Variants in MAML2 observed in about 807,000 individuals in gnomAD.
MAML2 encodes mastermind-like protein 2.
A neutral mutation model predicts 96.1 loss-of-function variants in MAML2; 22 were observed. The ratio of observed to expected loss-of-function variants is 0.23; its 90% confidence interval spans 0.16 to 0.33. The LOEUF (loss-of-function observed/expected upper bound fraction) is 0.33. Among genes scored for constraint, MAML2 ranks in the 10% least tolerant of loss-of-function variants. The pLI, the probability that MAML2 is intolerant of heterozygous loss-of-function variation, is 1.00. For missense variants in MAML2, 1,367 were observed against 1,392.4 expected, an observed-to-expected ratio of 0.98 and a Z score of 0.29; for synonymous variants, 561 against 521.3, an observed-to-expected ratio of 1.08 and a Z score of -1.04.
intron 1 of MAML2, among the ~76,000 whole-genome samples, chr11:96,164,558 C>T (rs777134119): frequency 3.9e-5 from 6 of 152,166 alleles, no homozygotes; most frequent in Non-Finnish European, 7.4e-5. Flanking sequence ...GAAGAACATG[C>T]TCTTGATCTT....
intron 1 of MAML2, among the ~76,000 whole-genome samples, chr11:96,106,980 C>CTTTTTTTTTTTTTTTTTTT (rs71040129): frequency 1.8e-4 from 16 of 90,296 alleles, no homozygotes; most frequent in East Asian, 7.7e-4. Flanking sequence ...GAAAAGAGTC[C>CTTTTTTTTTTTTTTTTTTT]TTTTTTTTTT....
chr11:96,295,640 T>C (rs1863284778), intron 1 of MAML2, among the ~76,000 whole-genome samples: 1 of 151,872 alleles, frequency 6.6e-6, no homozygotes, highest in South Asian at 2.1e-4. Flanking sequence ...AGTATTAAAC[T>C]ACATTGTGGT....
intron 2 of MAML2, among the ~76,000 whole-genome samples, chr11:96,041,055 C>G (rs1272405248): frequency 6.6e-6 from 1 of 152,070 alleles, no homozygotes; most frequent in Non-Finnish European, 1.5e-5. Context: ...ATTTATTTAC[C>G]CTTCCAGTTG....
In MAML2 at chr11:96,343,167, G is replaced by C. The variant is rs1240321858; in HGVS notation, c.-1272C>G. The C allele has an allele frequency of 2.7e-6, 1 of 364,576 alleles. No homozygotes were observed. Among genetic ancestry groups the C allele is most frequent in the African/African-American group, 2.1e-5 (1 of 46,908 alleles). The allele number at this position is 364,576 out of a possible 1,614,324, so 22.6% of individuals were successfully genotyped here. A position where few individuals can be genotyped will look rare whatever the true frequency, so the allele number is the denominator to read the frequency against. On this transcript the variant is annotated 5_prime_UTR_variant, in exon 1 of 5. In the 5' UTR this introduces an upstream ATG that the reference lacks. Transcript: ENST00000524717. ...GATACACAGGCTTTCATTGTGCTCC[G>C]ATAGGAGAGGGAGAGAAAGAGAGAG...
chr11:96,016,836 T>C (rs1293827638), intron 2 of MAML2, among the ~76,000 whole-genome samples: 2 of 152,194 alleles, frequency 1.3e-5, no homozygotes, highest in African/African-American at 4.8e-5. Flanking sequence ...TGAGACTTTT[T>C]TGAATTTAGG....
intron 2 of MAML2, among the ~76,000 whole-genome samples, chr11:96,083,061 A>G (rs1394668783): frequency 6.6e-6 from 1 of 152,226 alleles, no homozygotes; most frequent in Non-Finnish European, 1.5e-5. Context: ...CTGAAGTTCA[A>G]TGTTGGCCTC....
intron 1 of MAML2, among the ~76,000 whole-genome samples, chr11:96,110,882 G>T (rs2135832075): frequency 6.6e-6 from 1 of 152,298 alleles, no homozygotes; most frequent in African/African-American, 2.4e-5. Context: ...AAAGCATCAG[G>T]ATTGGGTCTA....
intron 1 of MAML2, among the ~76,000 whole-genome samples, chr11:96,208,926 C>T (rs904904385): frequency 2.6e-5 from 4 of 152,100 alleles, no homozygotes; most frequent in South Asian, 2.1e-4. Context: ...ATGTAACTTA[C>T]CAGTTTGTTA....
intron 1 of MAML2, among the ~76,000 whole-genome samples, chr11:96,246,945 T>C (rs545208): frequency 0.79 from 119,780 of 152,046 alleles, 47,792 homozygotes; most frequent in African/African-American, 0.91. Flanking sequence ...TAATTCATAC[T>C]CCAGTTGCCT....
rs1437489051 is a variant in MAML2, at chr11:96,341,830, G to A, written c.66C>T (p.Leu22=). ...TCGGGGTGACTGAGCCCCCTCCAAGGAGCCCCGCCCCAGAGGCCCCCCCTA... is the reference window on the plus strand; with the variant it reads ...TCGGGGTGACTGAGCCCCCTCCAAGAAGCCCCGCCCCAGAGGCCCCCCCTA... The part of the protein sequence containing the change: ...GGLGGASGAG[L]LGGGSVTPRV... Residue 22 remains leucine (L), a synonymous_variant, in exon 1 of 5, where the codon CTC becomes CTT. Coordinates refer to ENST00000524717, the MANE Select transcript of MAML2 (RefSeq NM_032427.4). 1.9e-6 allele frequency: 3 copies of A among 1,583,062 alleles called. No homozygotes were observed. The highest frequency in any genetic ancestry group is 1.7e-6 in the Non-Finnish European group (2 of 1,168,370).
chr11:96,006,957 AAGACTAGGT>A (rs1858191618), intron 2 of MAML2, among the ~76,000 whole-genome samples: 1 of 151,702 alleles, frequency 6.6e-6, no homozygotes, highest in African/African-American at 2.4e-5. Context: ...TGGAATTACA[AAGACTAGGT>A]AGACTAGTAA....
At chr11:96,098,009 G>A (rs1041446101) in intron 1 of MAML2, among the ~76,000 whole-genome samples, 11 of 152,248 alleles carry the variant, frequency 7.2e-5, no homozygotes, top group Non-Finnish European at 1.0e-4. Context: ...CTTCCCTTTC[G>A]GCCTCTACCT....
intron 1 of MAML2, among the ~76,000 whole-genome samples, chr11:96,256,126 G>A (rs367602694): frequency 3.4e-4 from 52 of 151,786 alleles, no homozygotes; most frequent in African/African-American, 1.1e-3. Context: ...CACCCGCCTC[G>A]GCCTCCCAAA....
chr11:96,325,144 T>C (rs1376487098), intron 1 of MAML2, among the ~76,000 whole-genome samples: 1 of 152,078 alleles, frequency 6.6e-6, no homozygotes, highest in African/African-American at 2.4e-5. Context: ...TGTGTGGGTG[T>C]ATGTCTGGGA....
intron 2 of MAML2, among the ~76,000 whole-genome samples, chr11:96,034,408 A>AGTGTGTGTGTGTGT (rs5793773): frequency 5.5e-5 from 7 of 126,728 alleles, no homozygotes; most frequent in African/African-American, 2.3e-4. Context: ...AATACTTTGA[A>AGTGTGTGTGTGTGT]GTGTGTGTGT....
chr11:96,040,172 T>C (rs1200080905), intron 2 of MAML2, among the ~76,000 whole-genome samples: 3 of 151,980 alleles, frequency 2.0e-5, no homozygotes, highest in Non-Finnish European at 4.4e-5. Flanking sequence ...CACTTCAAGG[T>C]GACAGATAAA....
chr11:96,320,711 T>C (rs1417799132), intron 1 of MAML2, among the ~76,000 whole-genome samples: 1 of 152,246 alleles, frequency 6.6e-6, no homozygotes, highest in East Asian at 1.9e-4. Flanking sequence ...TGTTTGTGTG[T>C]GTATTTCTTA....
chr11:96,007,214 T>C (rs1283786121), intron 2 of MAML2, among the ~76,000 whole-genome samples: 1 of 151,262 alleles, frequency 6.6e-6, no homozygotes, highest in South Asian at 2.1e-4. Context: ...GGTTTCACCA[T>C]GTTGGCCAGG....
intron 1 of MAML2, among the ~76,000 whole-genome samples, chr11:96,242,973 C>T (rs1341536297): frequency 2.6e-5 from 4 of 152,066 alleles, no homozygotes; most frequent in Non-Finnish European, 4.4e-5. Context: ...AATCAAAAAT[C>T]CTTTCATTTG....
Sources: gnomAD v4.1 joint callset for allele counts (sites outside exome capture counted in the v4.1 genomes callset) on GRCh38, gnomAD v4.1.1 for gene constraint, MANE v1.5 for transcripts, NCBI Gene and HGNC (gene_info 2026-07-23, HGNC 2026-07-21) for gene names.